MSI2: variants seen among roughly 807,000 people sequenced by gnomAD.
MSI2 encodes musashi RNA binding protein 2, also known as RNA-binding protein Musashi homolog 2.
MSI2 carries 17 observed loss-of-function variants against 45.6 expected under a neutral mutation model. That is an observed-to-expected ratio of 0.37 (90% CI 0.26 to 0.56). The LOEUF (loss-of-function observed/expected upper bound fraction) is 0.56, where lower values mean the gene tolerates loss of function less well. Ranked by LOEUF, MSI2 falls within the 20% of genes least tolerant of loss-of-function variation. The pLI is 0.77. For missense variants in MSI2, 293 were observed against 444.2 expected, an observed-to-expected ratio of 0.66 and a Z score of 3.06; for synonymous variants, 156 against 158.2, an observed-to-expected ratio of 0.99 and a Z score of 0.11.
intron 6 of MSI2, among the ~76,000 whole-genome samples, chr17:57,404,081 T>C (rs914161251): frequency 1.8e-4 from 27 of 152,172 alleles, no homozygotes; most frequent in Non-Finnish European, 8.8e-5. Flanking sequence ...TGTATGCGAG[T>C]GCAAAGTGTG....
intron 7 of MSI2, among the ~76,000 whole-genome samples, chr17:57,544,794 G>A (rs939226900): frequency 3.3e-5 from 5 of 152,160 alleles, no homozygotes; most frequent in Non-Finnish European, 5.9e-5. Flanking sequence ...TTGGAAATCT[G>A]AAGGGTGATG....
chr17:57,405,197 G>C (rs935961306), intron 6 of MSI2, among the ~76,000 whole-genome samples: 5 of 152,190 alleles, frequency 3.3e-5, no homozygotes, highest in Non-Finnish European at 7.4e-5. Context: ...TCAGGGAAGG[G>C]GTTGGAAAAC....
chr17:57,478,835 A>G (rs1158617218), intron 6 of MSI2, among the ~76,000 whole-genome samples: 2 of 152,182 alleles, frequency 1.3e-5, no homozygotes, highest in Non-Finnish European at 2.9e-5. Context: ...TCTCTAGGAA[A>G]CAAGCAAGAC....
intron 10 of MSI2, among the ~76,000 whole-genome samples, chr17:57,645,181 C>T (rs1311330664): frequency 6.6e-6 from 1 of 152,138 alleles, no homozygotes; most frequent in Non-Finnish European, 1.5e-5. Flanking sequence ...CCGGCTCCCA[C>T]CCGATTCTGT....
At chr17:57,518,361 T>A (rs1598356570) in intron 6 of MSI2, among the ~76,000 whole-genome samples, 1 of 152,254 alleles carries the variant, frequency 6.6e-6, no homozygotes, top group East Asian at 1.9e-4. Flanking sequence ...CAGCTACGCT[T>A]GTCACCATCC....
chr17:57,486,182 A>G (rs1427345710), intron 6 of MSI2, among the ~76,000 whole-genome samples: 2 of 152,236 alleles, frequency 1.3e-5, no homozygotes, highest in Non-Finnish European at 2.9e-5. Flanking sequence ...GAGGAGGAAC[A>G]TCACAGGGTT....
chr17:57,293,504 A>C (rs989068636), intron 5 of MSI2, among the ~76,000 whole-genome samples: 3 of 152,046 alleles, frequency 2.0e-5, no homozygotes, highest in African/African-American at 7.2e-5. Flanking sequence ...TTATTTGCAG[A>C]ATTAGAAAAG....
chr17:57,680,660 T>A lies in MSI2; in HGVS notation c.*1143T>A, dbSNP rs1261508785. On this transcript the variant is annotated 3_prime_UTR_variant, in exon 14 of 14. Transcript: ENST00000284073. Reference sequence around the variant, plus strand: ...TCTAGTTAGATTTTTATTTAAAATATGAAAAACTGCTTTTCCCAAGATGTT... The same window carrying A: ...TCTAGTTAGATTTTTATTTAAAATAAGAAAAACTGCTTTTCCCAAGATGTT... 1 of 196,306 alleles carries A rather than the reference T, an allele frequency of 5.1e-6. No homozygotes were observed. Among genetic ancestry groups the A allele is most frequent in the East Asian group, 7.8e-5 (1 of 12,866 alleles). 12.2% of individuals were successfully genotyped at this position (196,306 alleles called of 1,614,324 possible).
At chr17:57,520,821 A>ATTT (rs10602873) in intron 6 of MSI2, among the ~76,000 whole-genome samples, 8 of 150,086 alleles carry the variant, frequency 5.3e-5, no homozygotes, top group Non-Finnish European at 1.0e-4. Context: ...ACCCAACTAA[A>ATTT]TTTTTTTTTT....
Position 57,401,365 on chromosome 17 carries a change from G to C in MSI2, c.313-14G>C, listed in dbSNP as rs747323818. The stretch of plus-strand genomic sequence containing the variant: ...CCTGGTTAACCCATGCCTTTCTCTT[G>C]TCATTTCTTGCAGATGGTCACAAGA... On this transcript the variant is annotated splice_polypyrimidine_tract_variant and intron_variant, in intron 5 of 13. Transcript: ENST00000284073. 4 of 1,611,024 alleles carry C rather than the reference G, an allele frequency of 2.5e-6. No homozygotes were observed. The South Asian group carries it at 3.3e-5, about 13-fold the overall frequency.
chr17:57,462,356 G>A (rs2085247732), intron 6 of MSI2, among the ~76,000 whole-genome samples: 1 of 152,236 alleles, frequency 6.6e-6, no homozygotes, highest in Non-Finnish European at 1.5e-5. Flanking sequence ...ACCAGAGATG[G>A]ACAGGTGCCT....
intron 6 of MSI2, among the ~76,000 whole-genome samples, chr17:57,506,080 C>T (rs550955371): frequency 6.6e-6 from 1 of 152,212 alleles, no homozygotes; most frequent in Admixed American, 6.5e-5. Flanking sequence ...CCAGCAGGCA[C>T]TTACAAAAGG....
chr17:57,298,807 T>G (rs754933995), intron 5 of MSI2, among the ~76,000 whole-genome samples: 2 of 138,138 alleles, frequency 1.4e-5, no homozygotes, highest in Non-Finnish European at 1.5e-5. Flanking sequence ...ACCAGTTGTA[T>G]TAGCCCCTAA....
chr17:57,552,583 G>A lies in MSI2; in HGVS notation c.454+22859G>A, dbSNP rs866042277. Among the ~76,000 whole-genome samples the A allele has an allele frequency of 6.6e-6, 1 of 152,134 alleles. No individual in the cohort carries two copies. Among genetic ancestry groups the A allele is most frequent in the African/African-American group, 2.4e-5 (1 of 41,404 alleles). ...TTTTTAATCCCTATTGCCCAGCAACGGCTTCCTTGGTTAGAGACAGTCTGG... is the reference window on the plus strand; with the variant it reads ...TTTTTAATCCCTATTGCCCAGCAACAGCTTCCTTGGTTAGAGACAGTCTGG... On this transcript the variant is annotated intron_variant, in intron 7 of 13. Coordinates refer to ENST00000284073, the MANE Select transcript of MSI2 (RefSeq NM_138962.4). The surrounding 1 kb of genome is among the most constrained non-coding windows in gnomAD (Gnocchi z 4.3).
chr17:57,491,294 A>G (rs984013008), intron 6 of MSI2, among the ~76,000 whole-genome samples: 9 of 152,366 alleles, frequency 5.9e-5, no homozygotes, highest in African/African-American at 2.2e-4. Flanking sequence ...AAGACAGGTC[A>G]TGGAGTGAAT....
intron 6 of MSI2, among the ~76,000 whole-genome samples, chr17:57,436,923 A>G (rs1567822502): frequency 6.6e-6 from 1 of 152,036 alleles, no homozygotes; most frequent in African/African-American, 2.4e-5. Flanking sequence ...GACTCCAGCA[A>G]CTCACCTCTC....
intron 6 of MSI2, among the ~76,000 whole-genome samples, chr17:57,403,933 GCACACACA>G (rs58718271): frequency 0.015 from 2,165 of 149,148 alleles, 15 homozygotes; most frequent in Non-Finnish European, 0.017. Flanking sequence ...GAATGAATGT[GCACACACA>G]CACACACACA....
chr17:57,426,280 C>T (rs2084490939), intron 6 of MSI2, among the ~76,000 whole-genome samples: 1 of 152,230 alleles, frequency 6.6e-6, no homozygotes, highest in African/African-American at 2.4e-5. Flanking sequence ...AAGACAAATA[C>T]TGACTTTTTC....
chr17:57,365,658 C>T (rs1378325712), intron 5 of MSI2, among the ~76,000 whole-genome samples: 4 of 152,032 alleles, frequency 2.6e-5, no homozygotes, highest in Non-Finnish European at 4.4e-5. Context: ...GCTCACGGCT[C>T]AGTGTACCAG....
Sources: allele counts gnomAD v4.1 joint callset (sites outside exome capture counted in the v4.1 genomes callset), GRCh38; gene constraint gnomAD v4.1.1; non-coding constraint Gnocchi (gnomAD v3.1); transcripts MANE v1.5; gene names NCBI Gene and HGNC (gene_info 2026-07-23, HGNC 2026-07-21).